FBXO25: variants seen among roughly 807,000 people sequenced by gnomAD.
The protein encoded by FBXO25 is F-box protein 25.
FBXO25 carries 45 observed loss-of-function variants against 51.9 expected under a neutral mutation model. The ratio of observed to expected loss-of-function variants is 0.87; its 90% CI spans 0.68 to 1.11. FBXO25 has a LOEUF of 1.11. FBXO25 is among the 50% of genes most tolerant of loss of function. The pLI, the probability that FBXO25 is intolerant of heterozygous loss-of-function variation, is 0.00. For missense variants in FBXO25, 507 were observed against 428.5 expected (o/e 1.18, Z -1.62); for synonymous variants, 199 against 151.0 (o/e 1.32, Z -2.33).
In FBXO25 at chr8:434,829, A is replaced by G. The variant is rs1437119008; in HGVS notation, c.289-786A>G. The stretch of plus-strand genomic sequence containing the variant: ...AGGATAAGGGTATATCATGGAAGAA[A>G]AACATCTAAGAGAATAGCAGCAGTG... On this transcript the variant is annotated intron_variant, in intron 4 of 9. Coordinates refer to ENST00000350302, the MANE Select transcript of FBXO25 (RefSeq NM_183420.2). Among the ~76,000 whole-genome samples, 3 of 152,368 alleles carry G rather than the reference A, an allele frequency of 2.0e-5. No homozygotes were observed. The East Asian group carries it at 5.8e-4, about 29-fold the overall frequency.
intron 6 of FBXO25, among the ~76,000 whole-genome samples, chr8:450,538 G>A (rs1225243091): frequency 6.6e-6 from 1 of 152,104 alleles, no homozygotes; most frequent in East Asian, 1.9e-4. Context: ...ACATGCATAG[G>A]AATATATGAC....
chr8:474,743 C>T lies in FBXO25; in HGVS notation c.*5939C>T, dbSNP rs1291111380. ...TGTGTTTTTATATGTTCTGGGTATT[C>T]ACCCTTTTCAGATATATCATTTTAA... is the stretch of plus-strand genomic sequence containing the variant. On this transcript the variant is annotated 3_prime_UTR_variant, in exon 10 of 10. Coordinates refer to ENST00000350302, the MANE Select transcript of FBXO25 (RefSeq NM_183420.2). 4.4e-6 allele frequency: 2 copies of T among 456,690 alleles called. No individual in the cohort carries two copies. The highest frequency in any genetic ancestry group is 1.5e-5 in the South Asian group (1 of 64,554). 28.3% of individuals were successfully genotyped at this position (456,690 alleles called of 1,614,324 possible). A position where few individuals can be genotyped will look rare whatever the true frequency, so the allele number is the denominator to read the frequency against.
At chr8:442,939 C>T (rs12543217) in intron 5 of FBXO25, among the ~76,000 whole-genome samples, 6,732 of 152,122 alleles carry the variant, frequency 0.044, 201 homozygotes, top group Middle Eastern at 0.082. Context: ...CTATAATTAC[C>T]CCCATAAAAA....
Position 468,773 on chromosome 8 carries a change from C to T in FBXO25, c.1046C>T (p.Pro349Leu), listed in dbSNP as rs775703698. Residue 349 changes from proline (P) to leucine (L), a missense_variant, in exon 10 of 10, where the codon CCG (proline) becomes CTG (leucine). By Grantham distance (98) the Pro-to-Leu change is moderately conservative. Coordinates refer to ENST00000350302, the MANE Select transcript of FBXO25 (RefSeq NM_183420.2). ...GACAGCTGCTTCACGCCTGTGTCTCCGCAGCACTTCATCGACCTCTTCAAG... is the reference window on the plus strand; with the variant it reads ...GACAGCTGCTTCACGCCTGTGTCTCTGCAGCACTTCATCGACCTCTTCAAG... ...DPDSCFTPVSPQHFIDLFKF is the reference protein window; with the variant it reads ...DPDSCFTPVSLQHFIDLFKF 17 of 1,613,894 alleles carry T rather than the reference C, an allele frequency of 1.1e-5. No individual in the cohort carries two copies. The highest frequency in any genetic ancestry group is 3.3e-5 in the Admixed American group (2 of 59,976).
intron 5 of FBXO25, among the ~76,000 whole-genome samples, chr8:444,866 G>A (rs1363276557): frequency 1.3e-5 from 2 of 152,258 alleles, no homozygotes; most frequent in South Asian, 4.1e-4. Flanking sequence ...TAGGTGTTGT[G>A]TAATACACTC....
At chr8:413,688 C>G (rs1796625851) in intron 2 of FBXO25, among the ~76,000 whole-genome samples, 1 of 152,186 alleles carries the variant, frequency 6.6e-6, no homozygotes, top group Admixed American at 6.5e-5. Flanking sequence ...CCTGCATGGT[C>G]CAAAACGGTG....
chr8:440,571 C>T (rs1263945339), intron 5 of FBXO25, among the ~76,000 whole-genome samples: 10 of 151,918 alleles, frequency 6.6e-5, no homozygotes, highest in African/African-American at 1.7e-4. Flanking sequence ...TTCTTAAATG[C>T]GTCATATGAC....
intron 2 of FBXO25, among the ~76,000 whole-genome samples, chr8:413,586 C>T (rs377765940): frequency 5.3e-5 from 8 of 152,238 alleles, no homozygotes; most frequent in Middle Eastern, 6.8e-3. Context: ...CCCTTGAAAG[C>T]CTGAGTTGGC....
At chr8:449,652 T>A (rs1798954260) in intron 5 of FBXO25, among the ~76,000 whole-genome samples, 1 of 152,246 alleles carries the variant, frequency 6.6e-6, no homozygotes, top group Admixed American at 6.5e-5. Flanking sequence ...CTCTTTCTGG[T>A]GTGCCCTTTT....
intron 1 of FBXO25, among the ~76,000 whole-genome samples, chr8:409,708 A>C (rs996886838): frequency 6.6e-6 from 1 of 152,120 alleles, no homozygotes; most frequent in African/African-American, 2.4e-5. Context: ...TCATCCAGAT[A>C]AGGTTCTGTT....
At chr8:418,076 C>T (rs1796917694) in intron 2 of FBXO25, among the ~76,000 whole-genome samples, 1 of 152,116 alleles carries the variant, frequency 6.6e-6, no homozygotes, top group African/African-American at 2.4e-5. Flanking sequence ...AGGTTACACA[C>T]TGCACAAGGG....
At chr8:468,190 A>G (rs1800309676) in intron 9 of FBXO25, 2 of 1,014,082 alleles carry the variant, frequency 2.0e-6, no homozygotes, top group Non-Finnish European at 2.4e-6. Flanking sequence ...GTATGTGAGC[A>G]TGGCCAGCTC....
intron 2 of FBXO25, among the ~76,000 whole-genome samples, chr8:424,446 C>T (rs1196357783): frequency 3.9e-5 from 6 of 152,126 alleles, no homozygotes; most frequent in African/African-American, 9.7e-5. Flanking sequence ...CCAAGGCCAA[C>T]GTCAAGAAGA....
intron 2 of FBXO25, among the ~76,000 whole-genome samples, chr8:425,793 T>C (rs1430025846): frequency 6.6e-6 from 1 of 152,044 alleles, no homozygotes; most frequent in Non-Finnish European, 1.5e-5. Flanking sequence ...ATTTAATAGG[T>C]GAGCCAAGTC....
chr8:461,267 G>A (rs1799790978), intron 8 of FBXO25, among the ~76,000 whole-genome samples: 1 of 152,174 alleles, frequency 6.6e-6, no homozygotes, highest in Non-Finnish European at 1.5e-5. Flanking sequence ...ATTGGCATCT[G>A]TATTAGTCCA....
At position 471,786 on chromosome 8, in the gene FBXO25, G is replaced by C. The variant is rs542874687; in HGVS notation, c.*2982G>C. 4.6e-5 allele frequency: 7 copies of C among 152,324 alleles called. No homozygotes were observed. The highest frequency in any genetic ancestry group is 3.9e-4 in the Admixed American group (6 of 15,302). 9.4% of individuals were successfully genotyped at this position (152,324 alleles called of 1,614,324 possible). A position where few individuals can be genotyped will look rare whatever the true frequency, so the allele number is the denominator to read the frequency against. On this transcript the variant is annotated 3_prime_UTR_variant, in exon 10 of 10. Transcript: ENST00000350302. Reference sequence around the variant, plus strand: ...CCTCTCAGGAGCAGACCGATTTGTAGCTGTCGTGGTTTACTGCATGACGTA... The same window carrying C: ...CCTCTCAGGAGCAGACCGATTTGTACCTGTCGTGGTTTACTGCATGACGTA...
intron 2 of FBXO25, among the ~76,000 whole-genome samples, chr8:420,626 G>C (rs4997280): frequency 6.6e-6 from 1 of 152,202 alleles, no homozygotes; most frequent in Non-Finnish European, 1.5e-5. Flanking sequence ...CTATTAATTC[G>C]CACAACATGG....
At chr8:407,847 C>T (rs570641021) in intron 1 of FBXO25, among the ~76,000 whole-genome samples, 8 of 152,090 alleles carry the variant, frequency 5.3e-5, no homozygotes, top group Middle Eastern at 3.2e-3. Context: ...GCATCCTTCC[C>T]CTCACAGTAA....
At chr8:468,530 A>T (rs1446979926) in intron 9 of FBXO25, among the ~76,000 whole-genome samples, 185 bp from the exon 10 acceptor site, 1 of 151,796 alleles carries the variant, frequency 6.6e-6, no homozygotes, top group African/African-American at 2.4e-5. Context: ...TCCATGGGAA[A>T]CCTCTATGTA....
Sources: allele counts gnomAD v4.1 joint callset (sites outside exome capture counted in the v4.1 genomes callset), GRCh38; gene constraint gnomAD v4.1.1; transcripts MANE v1.5; gene names NCBI Gene and HGNC (gene_info 2026-07-23, HGNC 2026-07-21).